Variants in HDAC4 observed in about 807,000 individuals in gnomAD.
HDAC4 encodes the protein histone deacetylase 4, also known as histone deacetylase A.
Under a neutral mutation model 135.1 loss-of-function variants are expected in HDAC4, and 16 were observed. The observed-to-expected ratio is 0.12, with a 90% CI of 0.08 to 0.18. The LOEUF is 0.18. Ranked by LOEUF, HDAC4 falls within the 10% of genes least tolerant of loss-of-function variation. HDAC4 has a pLI of 1.00. For missense variants in HDAC4, 1,143 were observed against 1,511.8 expected, an observed-to-expected ratio of 0.76 and a Z score of 4.05; for synonymous variants, 685 against 653.4, an observed-to-expected ratio of 1.05 and a Z score of -0.74.
intron 5 of HDAC4, among the ~76,000 whole-genome samples, chr2:239,172,943 A>G (rs541293743): frequency 2.6e-5 from 4 of 152,314 alleles, no homozygotes; most frequent in Non-Finnish European, 5.9e-5. Context: ...AAAAAATACA[A>G]CTTAGCTAAA....
At position 239,189,758 on chromosome 2, in the gene HDAC4, G is replaced by A. The variant is rs2044789000; in HGVS notation, c.339+75C>T. 8 of 1,442,462 alleles carry A rather than the reference G, an allele frequency of 5.5e-6. No homozygotes were observed. The South Asian group carries it at 9.5e-5, about 17-fold the overall frequency. The allele number at this position is 1,442,462 out of a possible 1,614,324, so 89.4% of individuals were successfully genotyped here. A position where few individuals can be genotyped will look rare whatever the true frequency, so the allele number is the denominator to read the frequency against. ...GCCTGGGGCCCCAGCACACTCCGCG[G>A]AGGCAGGGCTGGAGTCACCGGGAGT... On this transcript the variant is annotated intron_variant, in intron 4 of 26. Coordinates refer to ENST00000543185, the MANE Select transcript of HDAC4 (RefSeq NM_001378414.1).
At chr2:239,065,674 T>G (rs2033379300) in intron 24 of HDAC4, among the ~76,000 whole-genome samples, 1 of 152,200 alleles carries the variant, frequency 6.6e-6, no homozygotes, top group Non-Finnish European at 1.5e-5. Context: ...CCCTGCCCCC[T>G]GGCAAGGCCT....
chr2:239,064,952 G>A (rs2033274894), intron 24 of HDAC4, among the ~76,000 whole-genome samples: 1 of 152,224 alleles, frequency 6.6e-6, no homozygotes, highest in Admixed American at 6.5e-5. Context: ...CAATGCGAAC[G>A]ATGCCTGCAC....
At chr2:239,244,275 C>T (rs1377085933) in intron 2 of HDAC4, among the ~76,000 whole-genome samples, 3 of 152,314 alleles carry the variant, frequency 2.0e-5, no homozygotes, top group African/African-American at 2.4e-5. Context: ...TAAGGAGGGA[C>T]GGAAAACTCC....
Position 239,052,745 on chromosome 2 carries a change from G to A in HDAC4, c.*352C>T, listed in dbSNP as rs987362601. The A allele has an allele frequency of 2.3e-5, 8 of 355,498 alleles. No individual in the cohort carries two copies. The highest frequency in any genetic ancestry group is 1.9e-4 in the South Asian group (5 of 26,168). The allele number at this position is 355,498 out of a possible 1,614,324, so 22.0% of individuals were successfully genotyped here. On this transcript the variant is annotated 3_prime_UTR_variant, in exon 27 of 27. Transcript: ENST00000543185. The stretch of plus-strand genomic sequence containing the variant: ...CTTTGATATTTGTTTTCTGTGCCTC[G>A]TGTCAACTGAATTCGGCAGCTCGGC...
intron 18 of HDAC4, among the ~76,000 whole-genome samples, chr2:239,089,277 T>C (rs1439335647): frequency 6.6e-6 from 1 of 152,234 alleles, no homozygotes; most frequent in Non-Finnish European, 1.5e-5. Flanking sequence ...GAGAACCAGC[T>C]GCTGTCCACA....
intron 21 of HDAC4, 37 bp downstream of exon 21, chr2:239,082,065 C>T (rs1468605847): frequency 1.9e-6 from 3 of 1,612,228 alleles, no homozygotes; most frequent in Non-Finnish European, 2.5e-6. Context: ...CCCGCAGTCC[C>T]CCTTTCCCCC....
intron 22 of HDAC4, among the ~76,000 whole-genome samples, chr2:239,077,770 C>T (rs984361825): frequency 1.8e-4 from 27 of 152,174 alleles, no homozygotes; most frequent in African/African-American, 4.8e-4. Flanking sequence ...TCAGGCGCTG[C>T]GACTCCTAAA....
chr2:239,282,175 TCTACAC>T (rs2050808960), intron 2 of HDAC4, among the ~76,000 whole-genome samples: 1 of 144,710 alleles, frequency 6.9e-6, no homozygotes, highest in African/African-American at 2.6e-5. Context: ...AACACACCAC[TCTACAC>T]ACAATGTACA....
chr2:239,208,960 G>A (rs189348315), intron 3 of HDAC4, among the ~76,000 whole-genome samples: 117 of 152,256 alleles, frequency 7.7e-4, no homozygotes, highest in African/African-American at 2.7e-3. Context: ...ATGGCTCATC[G>A]CAGTCTCCAC....
At position 239,163,760 on chromosome 2, in the gene HDAC4, C is replaced by G. The variant is rs755042407; in HGVS notation, c.611+43G>C. 5 of 1,602,194 alleles carry G rather than the reference C, an allele frequency of 3.1e-6. No individual in the cohort carries two copies. The African/African-American group carries it at 6.7e-5, about 21-fold the overall frequency. ...ACCGGCGATCAGACAGTCCTCTGGG[C>G]CCCCAGAGAGGAGGCCGGGGTGCTC... On this transcript the variant is annotated intron_variant, in intron 6 of 26. Transcript: ENST00000543185.
chr2:239,241,356 T>C (rs2048166236), intron 2 of HDAC4, among the ~76,000 whole-genome samples: 1 of 152,216 alleles, frequency 6.6e-6, no homozygotes, highest in African/African-American at 2.4e-5. Context: ...GGGTGTCTCT[T>C]GAAGGTTTCA....
intron 2 of HDAC4, among the ~76,000 whole-genome samples, chr2:239,279,416 C>T (rs568417312): frequency 6.6e-6 from 1 of 152,326 alleles, no homozygotes; most frequent in African/African-American, 2.4e-5. Context: ...ATCTTACAGA[C>T]GAGAAAATCA....
intron 2 of HDAC4, among the ~76,000 whole-genome samples, chr2:239,265,327 C>T (rs1483579472): frequency 3.9e-5 from 6 of 152,232 alleles, no homozygotes; most frequent in East Asian, 1.9e-4. Context: ...CAGCAAACAC[C>T]GCCACAGACT....
At chr2:239,326,442 TG>T (rs1334185015) in intron 2 of HDAC4, among the ~76,000 whole-genome samples, 1 of 152,220 alleles carries the variant, frequency 6.6e-6, no homozygotes, top group Admixed American at 6.5e-5. Context: ...ATGGTGGTGA[TG>T]GTTGCCCAAC....
intron 1 of HDAC4, among the ~76,000 whole-genome samples, chr2:239,374,097 C>T (rs956603879): frequency 6.6e-6 from 1 of 152,322 alleles, no homozygotes; most frequent in African/African-American, 2.4e-5. Context: ...AACAGTGATG[C>T]TATGGCGTCC....
intron 1 of HDAC4, among the ~76,000 whole-genome samples, chr2:239,382,893 T>C (rs1309044697): frequency 6.6e-6 from 1 of 152,038 alleles, no homozygotes; most frequent in African/African-American, 2.4e-5. Flanking sequence ...ACTGGCTAAC[T>C]TTTTTGTATT....
chr2:239,217,809 T>TC (rs1247595019), intron 3 of HDAC4, among the ~76,000 whole-genome samples: 1 of 151,898 alleles, frequency 6.6e-6, no homozygotes, highest in Non-Finnish European at 1.5e-5. Context: ...GAAAACAGGG[T>TC]CGGGCACAAC....
At chr2:239,163,133 T>C (rs1435647384) in intron 6 of HDAC4, among the ~76,000 whole-genome samples, 1 of 152,136 alleles carries the variant, frequency 6.6e-6, no homozygotes, top group African/African-American at 2.4e-5. Flanking sequence ...CTCTCTTCAG[T>C]CCTCAGACGA....
Sources: gnomAD v4.1 joint callset for allele counts (sites outside exome capture counted in the v4.1 genomes callset) on GRCh38, gnomAD v4.1.1 for gene constraint, MANE v1.5 for transcripts, NCBI Gene and HGNC (gene_info 2026-07-23, HGNC 2026-07-21) for gene names.